The following EML5 variants were observed in gnomAD, a reference collection of about 807,000 sequenced individuals.
The protein encoded by EML5 is EMAP like 5.
EML5 carries 120 observed loss-of-function variants against 250.0 expected under a neutral mutation model. The ratio of observed to expected loss-of-function variants is 0.48; its 90% CI spans 0.41 to 0.56. The LOEUF (loss-of-function observed/expected upper bound fraction) is 0.56. EML5 is among the 20% of genes least tolerant of loss of function. EML5 has a pLI of 0.00. For missense variants in EML5, 2,006 were observed against 2,437.6 expected, an observed-to-expected ratio of 0.82 and a Z score of 3.73; for synonymous variants, 771 against 806.5, an observed-to-expected ratio of 0.96 and a Z score of 0.75.
chr14:88,688,304 A>G lies in EML5; in HGVS notation c.2709T>C (p.Asp903=). 6.2e-7 allele frequency: 1 copy of G among 1,613,966 alleles called. No individual in the cohort carries two copies. The highest frequency in any genetic ancestry group is 8.5e-7 in the Non-Finnish European group (1 of 1,179,880). ...IFLVKTVKAH[D]GPVFSMHALE... ...ATGCATGCATACTGAACACTGGCCCATCATGCGCTTTCACTGTTTTTACAA... is the reference window on the plus strand; with the variant it reads ...ATGCATGCATACTGAACACTGGCCCGTCATGCGCTTTCACTGTTTTTACAA... The change falls in exon 18 of 44, where the codon GAT becomes GAC. Residue 903 remains aspartate, a synonymous_variant. Transcript: ENST00000554922.
chr14:88,616,969 T>C, intron 41 of EML5, 90 bp from the exon 42 acceptor site: 1 of 1,215,454 alleles, frequency 8.2e-7, no homozygotes, highest in Non-Finnish European at 1.2e-6. Flanking sequence ...AATCTCTAAG[T>C]ACCCTATCAT....
intron 41 of EML5, 39 bp from the exon 42 acceptor site, chr14:88,616,918 T>C (rs760967063): frequency 1.9e-6 from 3 of 1,598,438 alleles, no homozygotes; most frequent in African/African-American, 2.7e-5. Flanking sequence ...TCATGGCAAG[T>C]GCGGGCAGGT....
At chr14:88,767,822 C>T (rs78140629) in intron 1 of EML5, among the ~76,000 whole-genome samples, 3,561 of 152,132 alleles carry the variant, frequency 0.023, 137 homozygotes, top group African/African-American at 0.082. Flanking sequence ...ATATAGTAAT[C>T]GGGAAGAAGA....
intron 25 of EML5, 40 bp from the exon 26 acceptor site, chr14:88,658,428 T>G: frequency 2.0e-6 from 3 of 1,464,670 alleles, no homozygotes; most frequent in Non-Finnish European, 2.8e-6. Flanking sequence ...TCTGAGAAAT[T>G]TCATTATTTA....
At chr14:88,615,878 A>T in intron 43 of EML5, 24 bp from the exon 44 acceptor site, 1 of 1,605,306 alleles carries the variant, frequency 6.2e-7, no homozygotes, top group Non-Finnish European at 8.5e-7. Flanking sequence ...AGAAAATTGC[A>T]GGGAGTTAAT....
At chr14:88,781,303 G>A (rs2094495339) in intron 1 of EML5, among the ~76,000 whole-genome samples, 1 of 152,174 alleles carries the variant, frequency 6.6e-6, no homozygotes, top group Non-Finnish European at 1.5e-5. Context: ...GGGTAAAACT[G>A]CAGAACTTTC....
intron 3 of EML5, among the ~76,000 whole-genome samples, chr14:88,745,282 G>A (rs541435688): frequency 2.4e-4 from 36 of 151,690 alleles, no homozygotes; most frequent in African/African-American, 7.7e-4. Context: ...CCAACTTTTA[G>A]AATGATAAAT....
chr14:88,732,583 T>G (rs1372226977), intron 7 of EML5, among the ~76,000 whole-genome samples: 2 of 152,212 alleles, frequency 1.3e-5, no homozygotes, highest in African/African-American at 4.8e-5. Flanking sequence ...TTTAGTTTTT[T>G]CCACTTCTGT....
intron 27 of EML5, among the ~76,000 whole-genome samples, chr14:88,655,590 T>C (rs540074751): frequency 4.5e-4 from 68 of 152,128 alleles, no homozygotes; most frequent in African/African-American, 1.6e-3. Flanking sequence ...ACTAAAACAC[T>C]GACAGCAATT....
At chr14:88,629,455 T>G (rs752920129) in intron 33 of EML5, among the ~76,000 whole-genome samples, 5 of 152,224 alleles carry the variant, frequency 3.3e-5, no homozygotes, top group Non-Finnish European at 5.9e-5. Context: ...GTTCTAAACT[T>G]ACATCAGTAA....
intron 2 of EML5, among the ~76,000 whole-genome samples, chr14:88,752,128 A>T (rs1184345405): frequency 6.6e-6 from 1 of 152,190 alleles, no homozygotes; most frequent in African/African-American, 2.4e-5. Context: ...GACTTTTCCT[A>T]TAAGTTGCTC....
In EML5 at chr14:88,705,500, C is replaced by CTG; in HGVS notation, c.1912_1913dup (p.Gln638HisfsTer97). 6.2e-7 allele frequency: 1 copy of CTG among 1,601,474 alleles called. No individual in the cohort carries two copies. Among genetic ancestry groups the CTG allele is most frequent in the Non-Finnish European group, 8.5e-7 (1 of 1,173,248 alleles). Reference sequence around the variant, plus strand: ...AAATTACCTGTCGACGGTAGGTGAGCTGTGTCTCTTGTTCAATTTCAGAAT... The same window carrying CTG: ...AAATTACCTGTCGACGGTAGGTGAGCTGTGTGTCTCTTGTTCAATTTCAGAAT... On this transcript the variant is annotated frameshift_variant, in exon 12 of 44. Transcript: ENST00000554922. LOFTEE classifies it high-confidence loss of function.
At chr14:88,734,225 A>C (rs905866725) in intron 7 of EML5, among the ~76,000 whole-genome samples, 1 of 152,166 alleles carries the variant, frequency 6.6e-6, no homozygotes. Flanking sequence ...GGAAAGAATT[A>C]AGCACCTTTC....
chr14:88,723,882 C>T (rs1443412192), intron 8 of EML5, among the ~76,000 whole-genome samples: 1 of 152,044 alleles, frequency 6.6e-6, no homozygotes, highest in Non-Finnish European at 1.5e-5. Context: ...TGGCATACCA[C>T]CTTATATACT....
chr14:88,675,909 C>T (rs1168427135), intron 21 of EML5, among the ~76,000 whole-genome samples: 1 of 152,112 alleles, frequency 6.6e-6, no homozygotes, highest in African/African-American at 2.4e-5. Context: ...CCACCAGTCT[C>T]TTTGCTAAAA....
Position 88,663,039 on chromosome 14 carries a change from T to G in EML5, c.3490A>C (p.Ser1164Arg). ...CACCACTGTTGTCCTACCTCCACGC[T>G]GGGGATGGTTTGTTTTTTCCCTCTG... Reference protein sequence around the residue: ...APRGKKQTIPSVEVEKIAWAS... With the variant: ...APRGKKQTIPRVEVEKIAWAS... Residue 1164 changes from serine (S) to arginine (R), a missense_variant, in exon 24 of 44, where the codon AGC becomes CGC. Ser to Arg is a moderately radical substitution (Grantham distance 110). Around this residue, in one of 7 missense-constraint regions of EML5, gnomAD observed 1,375 missense variants for 1,590.3 expected, o/e 0.86. Coordinates refer to ENST00000554922, the MANE Select transcript of EML5 (RefSeq NM_183387.3). 2 of 1,551,450 alleles carry G rather than the reference T, an allele frequency of 1.3e-6. No homozygotes were observed. The highest frequency in any genetic ancestry group is 1.7e-6 in the Non-Finnish European group (2 of 1,146,748).
chr14:88,678,288 G>A (rs945692867), intron 21 of EML5, among the ~76,000 whole-genome samples: 3 of 152,092 alleles, frequency 2.0e-5, no homozygotes, highest in Non-Finnish European at 4.4e-5. Context: ...GCCTCTTGGG[G>A]GACAGGGAGG....
At chr14:88,784,015 A>G (rs2094525308) in intron 1 of EML5, among the ~76,000 whole-genome samples, 1 of 152,220 alleles carries the variant, frequency 6.6e-6, no homozygotes, top group African/African-American at 2.4e-5. Context: ...AGGAATACAA[A>G]TACGTGGAAA....
intron 33 of EML5, among the ~76,000 whole-genome samples, chr14:88,632,287 T>G (rs115548189): frequency 0.015 from 2,294 of 152,288 alleles, 58 homozygotes; most frequent in African/African-American, 0.052. Context: ...TAACTGTTTT[T>G]TGCTTGGACT....
Sources: allele counts gnomAD v4.1 joint callset (sites outside exome capture counted in the v4.1 genomes callset), GRCh38; gene constraint gnomAD v4.1.1; regional missense constraint gnomAD v4.1.1; transcripts MANE v1.5; gene names NCBI Gene and HGNC (gene_info 2026-07-23, HGNC 2026-07-21).